ERC2: variants seen among roughly 807,000 people sequenced by gnomAD.
The protein encoded by ERC2 is ERC protein 2.
A neutral mutation model predicts 114.8 loss-of-function variants in ERC2; 42 were observed. The observed-to-expected ratio is 0.37, with a 90% CI of 0.29 to 0.47. The LOEUF (loss-of-function observed/expected upper bound fraction) is 0.47. ERC2 is among the 20% of genes least tolerant of loss of function. The pLI, the probability that ERC2 is intolerant of heterozygous loss-of-function variation, is 0.99. For synonymous variants in ERC2, 454 were observed against 425.5 expected (o/e 1.07, Z -0.82); for missense variants, 939 against 1,150.7 (o/e 0.82, Z 2.66).
chr3:55,888,913 G>GA lies in ERC2; in HGVS notation c.2404-365dup, dbSNP rs527454505. Among the ~76,000 whole-genome samples, 18 of 152,188 alleles carry GA rather than the reference G, an allele frequency of 1.2e-4. No individual in the cohort carries two copies. The South Asian group carries it at 3.3e-3, about 28-fold the overall frequency. On this transcript the variant is annotated intron_variant, in intron 13 of 17. Transcript: ENST00000288221. Reference sequence around the variant, plus strand: ...CCTGTTCCCCCAAAACCTATGGAAAGAAAAAATTAAAACAAAACAGAACAA... The same window carrying GA: ...CCTGTTCCCCCAAAACCTATGGAAAGAAAAAAATTAAAACAAAACAGAACAA...
At chr3:56,354,096 T>C (rs1473221361) in intron 2 of ERC2, among the ~76,000 whole-genome samples, 1 of 152,134 alleles carries the variant, frequency 6.6e-6, no homozygotes, top group Non-Finnish European at 1.5e-5. Flanking sequence ...CCAGTTACAT[T>C]TTTACGATCT....
chr3:55,651,014 ATT>A lies in ERC2; in HGVS notation c.*39+32778_*39+32779del, dbSNP rs71096493. On this transcript the variant is annotated intron_variant, in intron 17 of 17. Transcript: ENST00000288221. ...AGGCATCCGCCATCACACCCAGCTA[ATT>A]TTTTTTTTTTTTTTTTTTTTTTGTA... Among the ~76,000 whole-genome samples the A allele has an allele frequency of 6.7e-3, 647 of 96,316 alleles. 1 individual carries two copies. The highest frequency in any genetic ancestry group is 0.018 in the African/African-American group (417 of 23,782). 63.2% of individuals were successfully genotyped at this position (96,316 alleles called of 152,430 possible).
intron 11 of ERC2, among the ~76,000 whole-genome samples, chr3:55,989,558 A>T (rs1440427532): frequency 6.6e-6 from 1 of 152,162 alleles, no homozygotes; most frequent in Non-Finnish European, 1.5e-5. Flanking sequence ...TTGACTGTTT[A>T]GTGCTGCTGT....
At chr3:56,087,814 G>C (rs2077584247) in intron 6 of ERC2, among the ~76,000 whole-genome samples, 1 of 152,234 alleles carries the variant, frequency 6.6e-6, no homozygotes, top group Admixed American at 6.5e-5. Context: ...GTAGACTTGA[G>C]TTAAGGGTAT....
chr3:56,355,326 C>T (rs1214474356), intron 2 of ERC2, among the ~76,000 whole-genome samples: 5 of 140,962 alleles, frequency 3.5e-5, no homozygotes, highest in South Asian at 2.3e-4. Flanking sequence ...TTTTTTCTTT[C>T]TTTTTTTTTT....
At chr3:56,014,622 G>C (rs762127965) in intron 8 of ERC2, among the ~76,000 whole-genome samples, 5 of 152,010 alleles carry the variant, frequency 3.3e-5, no homozygotes, top group Non-Finnish European at 7.4e-5. Context: ...TTAAATAAAG[G>C]GAGTAGTTTC....
At chr3:56,074,330 C>T (rs1461043431) in intron 7 of ERC2, among the ~76,000 whole-genome samples, 2 of 152,038 alleles carry the variant, frequency 1.3e-5, no homozygotes, top group African/African-American at 4.8e-5. Flanking sequence ...GAACGCATAA[C>T]CTAAGGATGC....
intron 6 of ERC2, among the ~76,000 whole-genome samples, chr3:56,136,990 A>G (rs2080546367): frequency 1.3e-5 from 2 of 152,204 alleles, no homozygotes; most frequent in South Asian, 4.1e-4. Context: ...ATTATTGAAC[A>G]TGGGACGGAA....
At chr3:55,731,078 C>T (rs920432122) in intron 15 of ERC2, among the ~76,000 whole-genome samples, 1 of 152,218 alleles carries the variant, frequency 6.6e-6, no homozygotes, top group African/African-American at 2.4e-5. Context: ...GCTGCATATA[C>T]AAACCAAGTA....
chr3:55,880,156 T>C (rs2063051929), intron 14 of ERC2, among the ~76,000 whole-genome samples: 1 of 152,168 alleles, frequency 6.6e-6, no homozygotes, highest in Admixed American at 6.5e-5. Context: ...TAGCTGGAAC[T>C]GAAGCAAAAG....
intron 13 of ERC2, among the ~76,000 whole-genome samples, chr3:55,912,638 T>C (rs2064873431): frequency 6.6e-6 from 1 of 152,174 alleles, no homozygotes; most frequent in Non-Finnish European, 1.5e-5. Flanking sequence ...GTACACATAG[T>C]AGAGAAGGCT....
At chr3:55,845,802 C>G (rs1205232157) in intron 14 of ERC2, among the ~76,000 whole-genome samples, 10 of 152,192 alleles carry the variant, frequency 6.6e-5, no homozygotes, top group Non-Finnish European at 1.2e-4. Flanking sequence ...CACAGGAGAC[C>G]AACTAAATTT....
chr3:56,018,227 C>G (rs1247803217), intron 8 of ERC2, among the ~76,000 whole-genome samples: 1 of 152,146 alleles, frequency 6.6e-6, no homozygotes, highest in Non-Finnish European at 1.5e-5. Flanking sequence ...CCCTCTTTTA[C>G]AAATGAAGAA....
At chr3:56,376,451 A>T (rs537071399) in intron 2 of ERC2, among the ~76,000 whole-genome samples, 1 of 137,590 alleles carries the variant, frequency 7.3e-6, no homozygotes, top group South Asian at 2.3e-4. Context: ...AAGAATCTTA[A>T]TTGCTCCCAA....
At chr3:55,864,812 C>T (rs2062222319) in intron 14 of ERC2, among the ~76,000 whole-genome samples, 1 of 152,122 alleles carries the variant, frequency 6.6e-6, no homozygotes, top group African/African-American at 2.4e-5. Context: ...ATTGGGTCAT[C>T]ATCACCATTG....
intron 17 of ERC2, among the ~76,000 whole-genome samples, chr3:55,563,113 C>G (rs181591510): frequency 6.6e-6 from 1 of 152,258 alleles, no homozygotes; most frequent in African/African-American, 2.4e-5. Flanking sequence ...AATATCAGCT[C>G]CAGATACCAG....
chr3:55,887,908 A>G (rs1478015205), intron 14 of ERC2, among the ~76,000 whole-genome samples: 1 of 152,246 alleles, frequency 6.6e-6, no homozygotes, highest in African/African-American at 2.4e-5. Flanking sequence ...CACTTTCTGA[A>G]CAAAGAGGTG....
At chr3:55,915,436 T>C (rs1000302239) in intron 13 of ERC2, among the ~76,000 whole-genome samples, 8 of 152,192 alleles carry the variant, frequency 5.3e-5, no homozygotes, top group Non-Finnish European at 8.8e-5. Flanking sequence ...GAATCACTTA[T>C]ATTAATTTAT....
chr3:55,697,944 G>T (rs1487776129), intron 16 of ERC2, among the ~76,000 whole-genome samples: 2 of 152,056 alleles, frequency 1.3e-5, no homozygotes, highest in African/African-American at 2.4e-5. Context: ...TTAGCAGGAT[G>T]CCAGGTCTAC....
Sources: allele counts gnomAD v4.1 joint callset (sites outside exome capture counted in the v4.1 genomes callset), GRCh38; gene constraint gnomAD v4.1.1; transcripts MANE v1.5; gene names NCBI Gene and HGNC (gene_info 2026-07-23, HGNC 2026-07-21).